SUMO2: variants seen among roughly 807,000 people sequenced by gnomAD.
SUMO2 encodes the protein small ubiquitin like modifier 2, also known as small ubiquitin-related modifier 2.
Under a neutral mutation model 16.0 loss-of-function variants are expected in SUMO2, and 1 was observed. That is an observed-to-expected ratio of 0.06 (90% confidence interval 0.02 to 0.30). The LOEUF (loss-of-function observed/expected upper bound fraction) is 0.30, where lower values mean the gene tolerates loss of function less well. Among genes scored for constraint, SUMO2 ranks in the 10% least tolerant of loss-of-function variants. The probability of loss-of-function intolerance (pLI) is 1.00; values close to 1 mark genes in which losing one functional copy is unlikely to be tolerated. For synonymous variants in SUMO2, 36 were observed against 40.6 expected (o/e 0.89, Z 0.43); for missense variants, 16 against 117.5 (o/e 0.14, Z 3.99).
Position 75,174,748 on chromosome 17 carries a change from T to C in SUMO2, c.225+4A>G. The C allele has an allele frequency of 6.2e-7, 1 of 1,612,426 alleles. No homozygotes were observed. Among genetic ancestry groups the C allele is most frequent in the Non-Finnish European group, 8.5e-7 (1 of 1,179,330 alleles). The stretch of plus-strand genomic sequence containing the variant: ...ATTTTTCTAATTAGGAGAGATTTTT[T>C]TACCTGTGCAGGTGTGTCTGTTTCA... On this transcript the variant is annotated splice_donor_region_variant and intron_variant, in intron 3 of 3. Transcript: ENST00000420826.
At chr17:75,182,692 G>T in intron 1 of SUMO2, 122 bp downstream of exon 1, 1 of 828,508 alleles carries the variant, frequency 1.2e-6, no homozygotes, top group East Asian at 4.0e-5. Flanking sequence ...GGCCTGAGCC[G>T]CGGCCGGCCC....
Position 75,165,980 on chromosome 17 carries a change from T to G in SUMO2, c.*2359A>C, listed in dbSNP as rs1250960872. 1 of 149,800 alleles carries G rather than the reference T, an allele frequency of 6.7e-6. No homozygotes were observed. Among genetic ancestry groups the G allele is most frequent in the Non-Finnish European group, 1.5e-5 (1 of 67,546 alleles). 9.3% of individuals were successfully genotyped at this position (149,800 alleles called of 1,614,324 possible). A position where few individuals can be genotyped will look rare whatever the true frequency, so the allele number is the denominator to read the frequency against. On this transcript the variant is annotated 3_prime_UTR_variant, in exon 4 of 4. Coordinates refer to ENST00000420826, the MANE Select transcript of SUMO2 (RefSeq NM_006937.4). ...GGTGGAGCTTGCCGTGAGCCAAGAT[T>G]GCGCCACTGCACTCCAGCCTGGGCG...
At chr17:75,169,944 C>T (rs565189274) in intron 3 of SUMO2, among the ~76,000 whole-genome samples, 6 of 151,178 alleles carry the variant, frequency 4.0e-5, no homozygotes, top group African/African-American at 9.7e-5. Flanking sequence ...CACCTGAGGT[C>T]GGGAGTTCAA....
rs2074688118 is a variant in SUMO2, at chr17:75,165,790, A to C, written c.*2549T>G. ...TGTAATCCCAGCACTTTGGAAGGCC[A>C]AGGCGGGTGGATGAACTGAGGTCAG... is the stretch of plus-strand genomic sequence containing the variant. On this transcript the variant is annotated 3_prime_UTR_variant, in exon 4 of 4. Transcript: ENST00000420826. 6.6e-6 allele frequency: 1 copy of C among 152,154 alleles called. No homozygotes were observed. The highest frequency in any genetic ancestry group is 1.5e-5 in the Non-Finnish European group (1 of 68,042). 9.4% of individuals were successfully genotyped at this position (152,154 alleles called of 1,614,324 possible).
At position 75,170,727 on chromosome 17, in the gene SUMO2, G is replaced by A. The variant is rs2074730999; in HGVS notation, c.226-2326C>T. Among the ~76,000 whole-genome samples, 6 of 151,632 alleles carry A rather than the reference G, an allele frequency of 4.0e-5. No individual in the cohort carries two copies. In the Admixed American group the frequency reaches 4.0e-4, roughly 10 times the overall value. The stretch of plus-strand genomic sequence containing the variant: ...TAGCTGGGCATGGTGGCAGGTGCCT[G>A]TAATCCCAGCCACTCAGGAGGCTGA... On this transcript the variant is annotated intron_variant, in intron 3 of 3. Coordinates refer to ENST00000420826, the MANE Select transcript of SUMO2 (RefSeq NM_006937.4).
rs13692 is a variant in SUMO2, at chr17:75,168,048, A to C, written c.*291T>G. ...GAATGAGCATGCCACTAATGGAGAA[A>C]GGGGGTATTTTCACAGAATCAGTAT... On this transcript the variant is annotated 3_prime_UTR_variant, in exon 4 of 4. Coordinates refer to ENST00000420826, the MANE Select transcript of SUMO2 (RefSeq NM_006937.4). 3.8e-6 allele frequency: 1 copy of C among 265,046 alleles called. No individual in the cohort carries two copies. The highest frequency in any genetic ancestry group is 7.1e-6 in the Non-Finnish European group (1 of 141,734). 16.4% of individuals were successfully genotyped at this position (265,046 alleles called of 1,614,324 possible). A position where few individuals can be genotyped will look rare whatever the true frequency, so the allele number is the denominator to read the frequency against.
intron 2 of SUMO2, 37 bp downstream of exon 2, chr17:75,181,020 G>A: frequency 1.2e-6 from 2 of 1,608,016 alleles, no homozygotes; most frequent in Non-Finnish European, 1.7e-6. Flanking sequence ...TTTAAAAATA[G>A]TTTTATTCAG....
At chr17:75,178,556 C>G (rs1029176499) in intron 2 of SUMO2, among the ~76,000 whole-genome samples, 2 of 150,148 alleles carry the variant, frequency 1.3e-5, no homozygotes, top group Non-Finnish European at 3.0e-5. Context: ...AACCACCAAA[C>G]TGAAGCATGA....
intron 2 of SUMO2, among the ~76,000 whole-genome samples, chr17:75,179,387 G>C (rs2074808787): frequency 6.6e-6 from 1 of 152,016 alleles, no homozygotes; most frequent in Non-Finnish European, 1.5e-5. Flanking sequence ...AATTAGCTGG[G>C]CGTGGTGGCG....
At chr17:75,168,582 C>A (rs1568044608) in intron 3 of SUMO2, among the ~76,000 whole-genome samples, 181 bp from the exon 4 acceptor site, 1 of 151,954 alleles carries the variant, frequency 6.6e-6, no homozygotes, top group Non-Finnish European at 1.5e-5. Context: ...CACTTGGCTT[C>A]CTTTTTTATG....
chr17:75,176,047 A>AC (rs984261562), intron 2 of SUMO2, among the ~76,000 whole-genome samples: 5 of 143,696 alleles, frequency 3.5e-5, no homozygotes, highest in African/African-American at 5.1e-5. Flanking sequence ...AGGAAATGAA[A>AC]TTTTTTTTTT....
chr17:75,177,204 T>A (rs1308056327), intron 2 of SUMO2, among the ~76,000 whole-genome samples: 1 of 149,258 alleles, frequency 6.7e-6, no homozygotes, highest in African/African-American at 2.5e-5. Context: ...ATTAAATAAA[T>A]AAAAATACAA....
intron 1 of SUMO2, among the ~76,000 whole-genome samples, chr17:75,181,906 AGTT>A (rs34969900): frequency 0.48 from 72,542 of 151,474 alleles, 20,865 homozygotes; most frequent in Non-Finnish European, 0.65. Context: ...CCCAACCTAA[AGTT>A]GTCCAAAATC....
At position 75,182,896 on chromosome 17, in the gene SUMO2, C is replaced by G; in HGVS notation, c.-62G>C. The G allele has an allele frequency of 7.7e-7, 1 of 1,299,150 alleles. No individual in the cohort carries two copies. 80.5% of individuals were successfully genotyped at this position (1,299,150 alleles called of 1,614,324 possible). A position where few individuals can be genotyped will look rare whatever the true frequency, so the allele number is the denominator to read the frequency against. Reference sequence around the variant, plus strand: ...AAAGAGGTACCAGGTCCGCACCAAACGAGCACACAAGCAGCACCAGGAGCG... The same window carrying G: ...AAAGAGGTACCAGGTCCGCACCAAAGGAGCACACAAGCAGCACCAGGAGCG... On this transcript the variant is annotated 5_prime_UTR_variant, in exon 1 of 4. Coordinates refer to ENST00000420826, the MANE Select transcript of SUMO2 (RefSeq NM_006937.4).
intron 2 of SUMO2, among the ~76,000 whole-genome samples, chr17:75,179,740 G>A (rs896566594): frequency 6.6e-6 from 1 of 150,998 alleles, no homozygotes; most frequent in African/African-American, 2.4e-5. Context: ...GCTCACTGCA[G>A]CCTCCACCTC....
rs541555896 is a variant in SUMO2 at position 75,170,151 on chromosome 17, G to A, written c.226-1750C>T. On this transcript the variant is annotated intron_variant, in intron 3 of 3. Coordinates refer to ENST00000420826, the MANE Select transcript of SUMO2 (RefSeq NM_006937.4). ...AAGATCATGCCATTGCATGTGACAAGAAACTGTCTCAAAAAAATTAAATAA... is the reference window on the plus strand; with the variant it reads ...AAGATCATGCCATTGCATGTGACAAAAAACTGTCTCAAAAAAATTAAATAA... Among the ~76,000 whole-genome samples the A allele has an allele frequency of 1.9e-3, 286 of 151,924 alleles. 3 individuals carry two copies. The highest frequency in any genetic ancestry group is 6.5e-3 in the African/African-American group (271 of 41,474).
rs2074708830 is a variant in SUMO2 at position 75,168,272 on chromosome 17, T to C, written c.*67A>G. The C allele has an allele frequency of 7.9e-7, 1 of 1,262,442 alleles. No homozygotes were observed. Among genetic ancestry groups the C allele is most frequent in the Admixed American group, 2.7e-5 (1 of 36,678 alleles). 78.2% of individuals were successfully genotyped at this position (1,262,442 alleles called of 1,614,324 possible). A position where few individuals can be genotyped will look rare whatever the true frequency, so the allele number is the denominator to read the frequency against. ...ATGTGGTGGAACCAAATTGCAGTTT[T>C]CTAATTGAGAATGTAATCTTGGTCT... On this transcript the variant is annotated 3_prime_UTR_variant, in exon 4 of 4. Coordinates refer to ENST00000420826, the MANE Select transcript of SUMO2 (RefSeq NM_006937.4).
At chr17:75,168,470 A>C in intron 3 of SUMO2, 69 bp from the exon 4 acceptor site, 1 of 1,376,488 alleles carries the variant, frequency 7.3e-7, no homozygotes, top group Non-Finnish European at 1.0e-6. Context: ...TTTTGGGTTT[A>C]AGTATGCTGA....
At chr17:75,171,379 T>C (rs969578245) in intron 3 of SUMO2, among the ~76,000 whole-genome samples, 12 of 150,856 alleles carry the variant, frequency 8.0e-5, no homozygotes, top group African/African-American at 1.9e-4. Flanking sequence ...CCAGGCATCA[T>C]GGTGGGCGCC....
Sources: allele counts gnomAD v4.1 joint callset (sites outside exome capture counted in the v4.1 genomes callset), GRCh38; gene constraint gnomAD v4.1.1; transcripts MANE v1.5; gene names NCBI Gene and HGNC (gene_info 2026-07-23, HGNC 2026-07-21).